AAK1: variants seen among roughly 807,000 people sequenced by gnomAD.
AAK1 encodes the protein AP2 associated kinase 1.
In AAK1, 37 loss-of-function variants were observed where a neutral mutation model predicts 116.0. That is an observed-to-expected ratio of 0.32 (90% CI 0.25 to 0.42). The LOEUF (loss-of-function observed/expected upper bound fraction) is 0.42. AAK1 is among the 10% of genes least tolerant of loss of function. The pLI is 1.00. For missense variants in AAK1, 919 were observed against 1,170.6 expected, an observed-to-expected ratio of 0.79 and a Z score of 3.14; for synonymous variants, 458 against 439.9, an observed-to-expected ratio of 1.04 and a Z score of -0.51.
chr2:69,507,273 A>T, intron 15 of AAK1, 148 bp downstream of exon 15: 1 of 937,894 alleles, frequency 1.1e-6, no homozygotes, highest in Non-Finnish European at 1.6e-6. Context: ...TTGTATGCAT[A>T]CTTTGAAATC....
intron 2 of AAK1, among the ~76,000 whole-genome samples, chr2:69,560,261 T>TA: frequency 6.6e-6 from 1 of 152,220 alleles, no homozygotes; most frequent in African/African-American, 2.4e-5. Flanking sequence ...TTCAAGATAC[T>TA]TCTCGTGCAC....
chr2:69,618,063 G>A (rs1378896755), intron 2 of AAK1, among the ~76,000 whole-genome samples: 1 of 151,982 alleles, frequency 6.6e-6, no homozygotes, highest in Non-Finnish European at 1.5e-5. Flanking sequence ...TGACCAGGAG[G>A]GCATAAAAGT....
chr2:69,601,672 A>T lies in AAK1; in HGVS notation c.163+41206T>A, dbSNP rs997467716. 7.1e-5 allele frequency among the ~76,000 whole-genome samples: 9 copies of T among 126,284 alleles called. No individual in the cohort carries two copies. The Admixed American group carries it at 8.0e-4, about 11-fold the overall frequency. The allele number at this position is 126,284 out of a possible 152,430, so 82.8% of individuals were successfully genotyped here. ...ACCCAAAGACCATAGGTAGTGAGTTAAAAAAAAAAAAAATTGGCTTATCTG... is the reference window on the plus strand; with the variant it reads ...ACCCAAAGACCATAGGTAGTGAGTTTAAAAAAAAAAAAATTGGCTTATCTG... On this transcript the variant is annotated intron_variant, in intron 2 of 21. Coordinates refer to ENST00000409085, the MANE Select transcript of AAK1 (RefSeq NM_014911.5).
rs1168141906 is a variant in AAK1, at chr2:69,458,977, C to T, written c.*16892G>A. 8 of 152,208 alleles carry T rather than the reference C, an allele frequency of 5.3e-5. No individual in the cohort carries two copies. Among genetic ancestry groups the T allele is most frequent in the Non-Finnish European group, 2.9e-5 (2 of 68,040 alleles). The allele number at this position is 152,208 out of a possible 1,614,324, so 9.4% of individuals were successfully genotyped here. ...ACTAACTTGATTTCAAGAACATTGTCAAAACTGGGGTACACATCCTTCTAT... is the reference window on the plus strand; with the variant it reads ...ACTAACTTGATTTCAAGAACATTGTTAAAACTGGGGTACACATCCTTCTAT... On this transcript the variant is annotated 3_prime_UTR_variant, in exon 22 of 22. Transcript: ENST00000409085.
Position 69,509,453 on chromosome 2 carries a change from G to C in AAK1, c.1784C>G (p.Ala595Gly), listed in dbSNP as rs1164325455. ...PAPAQEPAIQ[A>G]PVRQQPKVQT... The stretch of plus-strand genomic sequence containing the variant: ...AACCTTTGGCTGTTGTCTTACTGGG[G>C]CTTGAATCTGCTAGGAAGAGAGACG... Residue 595 changes from alanine to glycine, a missense_variant, in exon 14 of 22, where the codon GCC (alanine) becomes GGC (glycine). Transcript: ENST00000409085. 1.2e-6 allele frequency: 2 copies of C among 1,613,066 alleles called. No individual in the cohort carries two copies. The highest frequency in any genetic ancestry group is 1.7e-6 in the Non-Finnish European group (2 of 1,179,466).
intron 2 of AAK1, among the ~76,000 whole-genome samples, chr2:69,611,694 C>T (rs1482220650): frequency 6.6e-6 from 1 of 152,116 alleles, no homozygotes; most frequent in Non-Finnish European, 1.5e-5. Context: ...GATACGTATA[C>T]CCATGTTCAC....
chr2:69,606,874 T>G (rs1026759661), intron 2 of AAK1, among the ~76,000 whole-genome samples: 2 of 152,092 alleles, frequency 1.3e-5, no homozygotes, highest in Non-Finnish European at 2.9e-5. Context: ...AAGACCAGCC[T>G]GGGCAACCAG....
At chr2:69,594,228 T>C (rs1228255025) in intron 2 of AAK1, among the ~76,000 whole-genome samples, 1 of 152,150 alleles carries the variant, frequency 6.6e-6, no homozygotes, top group Non-Finnish European at 1.5e-5. Context: ...CCATAACACA[T>C]ATATCCAAAG....
chr2:69,489,678 C>T (rs1366671781), intron 17 of AAK1, among the ~76,000 whole-genome samples: 1 of 152,040 alleles, frequency 6.6e-6, no homozygotes, highest in Non-Finnish European at 1.5e-5. Flanking sequence ...GGGGTGTAAG[C>T]CCTGAAGTCT....
At chr2:69,488,619 G>GT (rs1318760703) in intron 17 of AAK1, among the ~76,000 whole-genome samples, 1 of 152,166 alleles carries the variant, frequency 6.6e-6, no homozygotes, top group Non-Finnish European at 1.5e-5. Context: ...TCTCTTTTAA[G>GT]TAAGAGGACT....
chr2:69,467,838 G>A lies in AAK1; in HGVS notation c.*8031C>T. 2.0e-6 allele frequency: 2 copies of A among 985,300 alleles called. No individual in the cohort carries two copies. The highest frequency in any genetic ancestry group is 2.3e-4 in the East Asian group (2 of 8,820). The allele number at this position is 985,300 out of a possible 1,614,324, so 61.0% of individuals were successfully genotyped here. A position where few individuals can be genotyped will look rare whatever the true frequency, so the allele number is the denominator to read the frequency against. ...ACCAGTCACTTAGAGACATTACATT[G>A]TAAAGAGAATGTAGAGAGAGGTCTG... On this transcript the variant is annotated 3_prime_UTR_variant, in exon 22 of 22. Transcript: ENST00000409085.
At chr2:69,561,454 A>C (rs1055164752) in intron 2 of AAK1, among the ~76,000 whole-genome samples, 2 of 152,250 alleles carry the variant, frequency 1.3e-5, no homozygotes, top group African/African-American at 4.8e-5. Flanking sequence ...ACAATGACTG[A>C]ATAAGGTAGG....
intron 9 of AAK1, 76 bp from the exon 10 acceptor site, chr2:69,525,188 C>G: frequency 2.1e-6 from 3 of 1,453,434 alleles, no homozygotes; most frequent in Admixed American, 3.4e-5. Flanking sequence ...AGCAGCCTGA[C>G]TGGGACTGAG....
chr2:69,466,789 ATG>A lies in AAK1; in HGVS notation c.*9078_*9079del, dbSNP rs1481045461. ...ACGACGTACAGGAAAGGAGATGAAG[ATG>A]TTAGGCACACAGACATTCAGCGTAA... is the stretch of plus-strand genomic sequence containing the variant. On this transcript the variant is annotated 3_prime_UTR_variant, in exon 22 of 22. Transcript: ENST00000409085. 4 of 985,286 alleles carry A rather than the reference ATG, an allele frequency of 4.1e-6. No individual in the cohort carries two copies. The African/African-American group carries it at 7.0e-5, about 17-fold the overall frequency. The allele number at this position is 985,286 out of a possible 1,614,324, so 61.0% of individuals were successfully genotyped here. A position where few individuals can be genotyped will look rare whatever the true frequency, so the allele number is the denominator to read the frequency against.
chr2:69,635,187 C>T (rs1428337566), intron 2 of AAK1, among the ~76,000 whole-genome samples: 2 of 152,142 alleles, frequency 1.3e-5, no homozygotes, highest in African/African-American at 2.4e-5. Context: ...CTAATAAACA[C>T]ATAACAAGAT....
chr2:69,492,025 C>G (rs1675541957), intron 17 of AAK1, among the ~76,000 whole-genome samples: 1 of 152,104 alleles, frequency 6.6e-6, no homozygotes, highest in Non-Finnish European at 1.5e-5. Flanking sequence ...TGGCTGAGCA[C>G]AGTCCAAACA....
chr2:69,580,655 G>C (rs1271708024), intron 2 of AAK1, among the ~76,000 whole-genome samples: 1 of 152,194 alleles, frequency 6.6e-6, no homozygotes, highest in Non-Finnish European at 1.5e-5. Flanking sequence ...CCACCAACTT[G>C]TCTTTTTCAC....
intron 2 of AAK1, among the ~76,000 whole-genome samples, chr2:69,635,648 C>T (rs1435353455): frequency 6.6e-6 from 1 of 152,130 alleles, no homozygotes; most frequent in East Asian, 1.9e-4. Context: ...AACAAATGAA[C>T]CTTGAGGACA....
Position 69,621,398 on chromosome 2 carries a change from GA to G in AAK1, c.163+21479del, listed in dbSNP as rs1674620801. Among the ~76,000 whole-genome samples the G allele has an allele frequency of 3.3e-5, 5 of 152,002 alleles. No homozygotes were observed. The Middle Eastern group carries it at 0.014, about 414-fold the overall frequency. ...GGAGGCCGAGGCAGAAGAATCGCTT[GA>G]AAAAAGGCGACAGAGGTTGCAGTGA... On this transcript the variant is annotated intron_variant, in intron 2 of 21. Transcript: ENST00000409085.
Sources: allele counts gnomAD v4.1 joint callset (sites outside exome capture counted in the v4.1 genomes callset), GRCh38; gene constraint gnomAD v4.1.1; transcripts MANE v1.5; gene names NCBI Gene and HGNC (gene_info 2026-07-23, HGNC 2026-07-21).